Variants in USP32 observed in about 807,000 individuals in gnomAD.
USP32 encodes the protein ubiquitin carboxyl-terminal hydrolase 32.
A neutral mutation model predicts 204.8 loss-of-function variants in USP32; 59 were observed. The observed-to-expected ratio is 0.29, with a 90% CI of 0.23 to 0.36. USP32 has a LOEUF of 0.36. USP32 is among the 10% of genes least tolerant of loss of function. The pLI, the probability that USP32 is intolerant of heterozygous loss-of-function variation, is 1.00. For missense variants in USP32, 1,160 were observed against 1,946.4 expected (o/e 0.60, Z 7.60); for synonymous variants, 517 against 678.4 (o/e 0.76, Z 3.70).
At position 60,187,424 on chromosome 17, in the gene USP32, C is replaced by T. The variant is rs187756709; in HGVS notation, c.3643-1773G>A. ...GTAACAAGATATTAACTGTCATCAT[C>T]TTTTGAACTGGTCACTCAAGGAAAA... On this transcript the variant is annotated intron_variant, in intron 29 of 33. Coordinates refer to ENST00000300896, the MANE Select transcript of USP32 (RefSeq NM_032582.4). Among the ~76,000 whole-genome samples, 131 of 152,324 alleles carry T rather than the reference C, an allele frequency of 8.6e-4. 1 individual carries two copies. Among genetic ancestry groups the T allele is most frequent in the Admixed American group, 6.1e-3 (94 of 15,302 alleles).
intron 9 of USP32, among the ~76,000 whole-genome samples, chr17:60,258,643 T>C (rs2086376557): frequency 2.6e-5 from 4 of 152,218 alleles, no homozygotes; most frequent in Admixed American, 2.6e-4. Context: ...CTTTTCCTTT[T>C]TAAAAAATTA....
intron 2 of USP32, among the ~76,000 whole-genome samples, chr17:60,319,093 G>T (rs1220668422): frequency 1.3e-5 from 2 of 152,186 alleles, no homozygotes; most frequent in Non-Finnish European, 2.9e-5. Flanking sequence ...TTTAGGGGAA[G>T]GGGTTGGGAG....
At chr17:60,181,261 T>C (rs1384947439) in intron 32 of USP32, 63 bp downstream of exon 32, 2 of 1,536,476 alleles carry the variant, frequency 1.3e-6, no homozygotes, top group Non-Finnish European at 8.8e-7. Flanking sequence ...TGCTGATGAA[T>C]ACATGAAGAC....
intron 1 of USP32, among the ~76,000 whole-genome samples, chr17:60,399,632 C>T (rs2089922028): frequency 6.6e-6 from 1 of 152,056 alleles, no homozygotes; most frequent in African/African-American, 2.4e-5. Flanking sequence ...CACTGCACTC[C>T]AGCCTGGATG....
intron 21 of USP32, among the ~76,000 whole-genome samples, chr17:60,209,747 T>C (rs1411112236): frequency 6.6e-6 from 1 of 152,110 alleles, no homozygotes; most frequent in African/African-American, 2.4e-5. Flanking sequence ...AAGAGAAGTA[T>C]TTTGGCCAAT....
At chr17:60,282,302 A>T (rs2086987711) in intron 5 of USP32, among the ~76,000 whole-genome samples, 1 of 152,226 alleles carries the variant, frequency 6.6e-6, no homozygotes. Context: ...GCAACTTTCA[A>T]CAGTTCTTTA....
intron 1 of USP32, among the ~76,000 whole-genome samples, chr17:60,368,988 A>C (rs1215812489): frequency 2.2e-5 from 3 of 134,130 alleles, no homozygotes; most frequent in Non-Finnish European, 4.4e-5. Flanking sequence ...TATTTTTTAA[A>C]AGATTTTTTT....
chr17:60,201,019 G>A (rs1303405355), intron 26 of USP32, among the ~76,000 whole-genome samples: 1 of 152,044 alleles, frequency 6.6e-6, no homozygotes, highest in Non-Finnish European at 1.5e-5. Context: ...GGCACACGCT[G>A]GCTAATTTCT....
intron 1 of USP32, among the ~76,000 whole-genome samples, chr17:60,401,445 A>G (rs1567897096): frequency 1.3e-5 from 2 of 152,270 alleles, no homozygotes; most frequent in Non-Finnish European, 2.9e-5. Context: ...TAGGAGCTTT[A>G]TTGGTTTTTG....
chr17:60,193,289 T>C (rs1228773135), intron 27 of USP32, among the ~76,000 whole-genome samples: 1 of 152,238 alleles, frequency 6.6e-6, no homozygotes, highest in African/African-American at 2.4e-5. Flanking sequence ...ACTAAAATAA[T>C]TAGATCTTTC....
In USP32 at chr17:60,238,013, C is replaced by A. The variant is rs2085778814; in HGVS notation, c.1137-1773G>T. Among the ~76,000 whole-genome samples the A allele has an allele frequency of 2.6e-5, 4 of 152,160 alleles. No individual in the cohort carries two copies. The South Asian group carries it at 8.3e-4, about 31-fold the overall frequency. ...AAACTGTTTTCCACAGTGATTGCAC[C>A]ATTTTACATTTCTACCAGCAATATA... On this transcript the variant is annotated intron_variant, in intron 11 of 33. Transcript: ENST00000300896.
At chr17:60,315,399 T>G (rs1161197683) in intron 2 of USP32, among the ~76,000 whole-genome samples, 2 of 151,994 alleles carry the variant, frequency 1.3e-5, no homozygotes, top group African/African-American at 4.8e-5. Flanking sequence ...AGAGTGAGAC[T>G]CCATCTCAAA....
At chr17:60,240,391 G>C (rs1300108810) in intron 11 of USP32, among the ~76,000 whole-genome samples, 1 of 152,050 alleles carries the variant, frequency 6.6e-6, no homozygotes, top group Non-Finnish European at 1.5e-5. Flanking sequence ...TGTGTTCGAA[G>C]AGCTAGTATT....
At chr17:60,398,332 C>CTT (rs781279658) in intron 1 of USP32, among the ~76,000 whole-genome samples, 2 of 152,022 alleles carry the variant, frequency 1.3e-5, no homozygotes, top group Non-Finnish European at 2.9e-5. Flanking sequence ...AAAAGTAGAG[C>CTT]TACAGTTACC....
At chr17:60,375,943 A>G (rs1236039631) in intron 1 of USP32, among the ~76,000 whole-genome samples, 1 of 152,234 alleles carries the variant, frequency 6.6e-6, no homozygotes, top group East Asian at 1.9e-4. Flanking sequence ...GGAAAGACAG[A>G]AAAATTTGTA....
intron 5 of USP32, among the ~76,000 whole-genome samples, chr17:60,287,921 G>T: frequency 6.6e-6 from 1 of 151,990 alleles, no homozygotes; most frequent in Non-Finnish European, 1.5e-5. Context: ...AGACCATCCT[G>T]GCTAACATGG....
chr17:60,186,759 G>C (rs2084262482), intron 29 of USP32, among the ~76,000 whole-genome samples: 1 of 152,144 alleles, frequency 6.6e-6, no homozygotes, highest in African/African-American at 2.4e-5. Flanking sequence ...GGGTGGTGTA[G>C]AATGAAGAAG....
At chr17:60,373,841 C>T (rs2146094796) in intron 1 of USP32, among the ~76,000 whole-genome samples, 1 of 152,216 alleles carries the variant, frequency 6.6e-6, no homozygotes, top group East Asian at 1.9e-4. Flanking sequence ...TGTACAGTGT[C>T]CAAAAATATT....
At chr17:60,334,818 T>C (rs1411841683) in intron 2 of USP32, among the ~76,000 whole-genome samples, 1 of 143,528 alleles carries the variant, frequency 7.0e-6, no homozygotes, top group Non-Finnish European at 1.5e-5. Flanking sequence ...CAACTGTGTC[T>C]AGCTTTAGCA....
Sources: gnomAD v4.1 joint callset for allele counts (sites outside exome capture counted in the v4.1 genomes callset) on GRCh38, gnomAD v4.1.1 for gene constraint, MANE v1.5 for transcripts, NCBI Gene and HGNC (gene_info 2026-07-23, HGNC 2026-07-21) for gene names.